The following AGBL1 variants were observed in gnomAD, a reference collection of about 807,000 sequenced individuals.
The protein encoded by AGBL1 is cytosolic carboxypeptidase 4.
A neutral mutation model predicts 118.9 loss-of-function variants in AGBL1; 130 were observed. The ratio of observed to expected loss-of-function variants is 1.09; its 90% CI spans 0.95 to 1.26. AGBL1 has a LOEUF of 1.26. AGBL1 is among the 50% of genes most tolerant of loss of function. AGBL1 has a pLI of 0.00. For synonymous variants in AGBL1, 555 were observed against 478.9 expected, an observed-to-expected ratio of 1.16 and a Z score of -2.08; for missense variants, 1,584 against 1,298.1, an observed-to-expected ratio of 1.22 and a Z score of -3.38.
chr15:86,657,987 TG>T (rs2085487535), intron 21 of AGBL1, among the ~76,000 whole-genome samples: 1 of 151,934 alleles, frequency 6.6e-6, no homozygotes, highest in Non-Finnish European at 1.5e-5. Context: ...TTAGGACTGT[TG>T]TAAGAGTTAA....
At chr15:86,207,744 T>C (rs1333041137) in intron 5 of AGBL1, among the ~76,000 whole-genome samples, 3 of 152,258 alleles carry the variant, frequency 2.0e-5, no homozygotes, top group East Asian at 3.9e-4. Flanking sequence ...AATATACAAT[T>C]GTGTCATCTG....
At chr15:86,703,633 A>G (rs1040669098) in intron 22 of AGBL1, among the ~76,000 whole-genome samples, 1 of 152,140 alleles carries the variant, frequency 6.6e-6, no homozygotes, top group Non-Finnish European at 1.5e-5. Context: ...GTGGGAGGTA[A>G]CTGAATCATG....
chr15:87,013,614 G>A (rs2081583150), intron 24 of AGBL1, among the ~76,000 whole-genome samples: 1 of 152,004 alleles, frequency 6.6e-6, no homozygotes, highest in African/African-American at 2.4e-5. Flanking sequence ...CCATGCAGGT[G>A]ATCTTGTGAC....
chr15:86,987,840 T>C, intron 23 of AGBL1: 3 of 732,658 alleles, frequency 4.1e-6, no homozygotes, highest in Middle Eastern at 4.3e-4. Context: ...GTTTCTGACC[T>C]TATGTTGCTG....
chr15:86,285,402 G>A (rs140296180), intron 16 of AGBL1, among the ~76,000 whole-genome samples: 6 of 152,094 alleles, frequency 3.9e-5, no homozygotes, highest in African/African-American at 9.6e-5. Flanking sequence ...TAATTCTTAC[G>A]TGTCGTGGGA....
chr15:86,489,272 C>A (rs771694841), intron 18 of AGBL1, among the ~76,000 whole-genome samples: 8 of 152,030 alleles, frequency 5.3e-5, no homozygotes, highest in African/African-American at 1.9e-4. Flanking sequence ...TTGCACAGTG[C>A]CTGGCATAAA....
intron 17 of AGBL1, among the ~76,000 whole-genome samples, chr15:86,371,791 G>A (rs1434268996): frequency 2.6e-5 from 4 of 152,170 alleles, no homozygotes; most frequent in Non-Finnish European, 5.9e-5. Context: ...GAAAGGCTAA[G>A]GCAACAACGC....
intron 21 of AGBL1, among the ~76,000 whole-genome samples, chr15:86,669,516 G>A (rs999338481): frequency 6.6e-6 from 1 of 152,072 alleles, no homozygotes; most frequent in Non-Finnish European, 1.5e-5. Flanking sequence ...AAAGATCATG[G>A]ATGACATTTT....
chr15:86,603,567 G>A (rs2084528634), intron 21 of AGBL1, among the ~76,000 whole-genome samples: 1 of 151,960 alleles, frequency 6.6e-6, no homozygotes, highest in African/African-American at 2.4e-5. Context: ...GCCTGAAATG[G>A]GATAAAGCTG....
intron 18 of AGBL1, among the ~76,000 whole-genome samples, chr15:86,478,608 C>G (rs890710875): frequency 6.6e-6 from 1 of 152,168 alleles, no homozygotes; most frequent in African/African-American, 2.4e-5. Flanking sequence ...GAAGAACATT[C>G]CATGCTCATG....
intron 1 of AGBL1, among the ~76,000 whole-genome samples, chr15:86,120,505 C>T (rs561794961): frequency 1.3e-5 from 2 of 152,268 alleles, no homozygotes; most frequent in South Asian, 2.1e-4. Context: ...TAGATGTGCC[C>T]TCTTAGACCT....
intron 22 of AGBL1, among the ~76,000 whole-genome samples, chr15:86,905,143 G>T (rs573823347): frequency 1.3e-5 from 2 of 152,164 alleles, no homozygotes; most frequent in Non-Finnish European, 2.9e-5. Context: ...TTAGGAAATT[G>T]TGAAGGCTTG....
At chr15:86,236,802 G>A (rs752222269) in intron 6 of AGBL1, among the ~76,000 whole-genome samples, 3 of 151,786 alleles carry the variant, frequency 2.0e-5, no homozygotes, top group Non-Finnish European at 4.4e-5. Flanking sequence ...ATTTGCATAG[G>A]GCTCAGGGGA....
At chr15:86,665,217 A>G (rs1012956071) in intron 21 of AGBL1, among the ~76,000 whole-genome samples, 24 of 152,186 alleles carry the variant, frequency 1.6e-4, no homozygotes, top group Non-Finnish European at 2.6e-4. Context: ...ACTGGTGCAC[A>G]TTTTGGACTG....
chr15:87,017,525 C>T (rs1269347313), intron 24 of AGBL1, among the ~76,000 whole-genome samples: 1 of 152,086 alleles, frequency 6.6e-6, no homozygotes, highest in East Asian at 1.9e-4. Flanking sequence ...ATAGTGGACC[C>T]CTAGAAAATG....
chr15:86,214,861 C>T (rs965690019), intron 5 of AGBL1, among the ~76,000 whole-genome samples: 11 of 152,206 alleles, frequency 7.2e-5, no homozygotes, highest in Non-Finnish European at 7.3e-5. Flanking sequence ...TGTCACACTC[C>T]CTGCTGAGTG....
chr15:86,761,095 TCTTC>T (rs1414154194), intron 22 of AGBL1, among the ~76,000 whole-genome samples: 1 of 152,096 alleles, frequency 6.6e-6, no homozygotes, highest in Non-Finnish European at 1.5e-5. Context: ...TTTAGGAGCC[TCTTC>T]CTTAGACAAG....
chr15:86,258,543 G>A (rs901622903), intron 9 of AGBL1, among the ~76,000 whole-genome samples: 2 of 152,110 alleles, frequency 1.3e-5, no homozygotes, highest in Non-Finnish European at 2.9e-5. Context: ...TCCCAAAAAG[G>A]CCTATTCTAT....
At chr15:86,334,396 T>A (rs1409062181) in intron 17 of AGBL1, among the ~76,000 whole-genome samples, 1 of 151,970 alleles carries the variant, frequency 6.6e-6, no homozygotes, top group African/African-American at 2.4e-5. Flanking sequence ...GAGAACCCAA[T>A]CAAGAACACA....
Sources: allele counts gnomAD v4.1 joint callset (sites outside exome capture counted in the v4.1 genomes callset), GRCh38; gene constraint gnomAD v4.1.1; transcripts MANE v1.5; gene names NCBI Gene and HGNC (gene_info 2026-07-23, HGNC 2026-07-21).